SGCD: variants seen among roughly 807,000 people sequenced by gnomAD.
SGCD encodes delta-sarcoglycan.
In SGCD, 18 loss-of-function variants were observed where a neutral mutation model predicts 36.6. That is an observed-to-expected ratio of 0.49 (90% CI 0.34 to 0.73). The LOEUF (loss-of-function observed/expected upper bound fraction) is 0.73, where lower values mean the gene tolerates loss of function less well. Ranked by LOEUF, SGCD falls within the 30% of genes least tolerant of loss-of-function variation. The pLI is 0.01. For missense variants in SGCD, 387 were observed against 346.7 expected (o/e 1.12, Z -0.92); for synonymous variants, 133 against 130.6 (o/e 1.02, Z -0.12).
intron 6 of SGCD, among the ~76,000 whole-genome samples, chr5:156,626,509 C>T (rs141683804): frequency 1.2e-3 from 177 of 152,264 alleles, no homozygotes; most frequent in African/African-American, 3.6e-3. Context: ...AAGTGATGTG[C>T]ATAGAGGTTT....
At chr5:156,311,737 CTT>C (rs1032659150) in intron 3 of SGCD, among the ~76,000 whole-genome samples, 1 of 152,050 alleles carries the variant, frequency 6.6e-6, no homozygotes, top group African/African-American at 2.4e-5. Flanking sequence ...GTTGAAAAAT[CTT>C]TTTTTCTTTC....
chr5:155,911,385 A>G (rs1469056133), intron 1 of SGCD, among the ~76,000 whole-genome samples: 1 of 151,794 alleles, frequency 6.6e-6, no homozygotes, highest in Non-Finnish European at 1.5e-5. Context: ...TTACCAAATC[A>G]TAAGGAAATA....
At chr5:156,134,895 C>G (rs1000205674) in intron 3 of SGCD, among the ~76,000 whole-genome samples, 1 of 152,064 alleles carries the variant, frequency 6.6e-6, no homozygotes, top group African/African-American at 2.4e-5. Context: ...GACTGGACTC[C>G]CTTGAGCTGG....
intron 1 of SGCD, among the ~76,000 whole-genome samples, chr5:155,969,928 C>T (rs906959530): frequency 4.7e-5 from 7 of 150,368 alleles, no homozygotes; most frequent in African/African-American, 1.7e-4. Flanking sequence ...AAACTCTTTG[C>T]TTTTTTTTTC....
intron 3 of SGCD, among the ~76,000 whole-genome samples, chr5:156,172,269 G>A (rs1763363341): frequency 2.0e-5 from 3 of 152,114 alleles, no homozygotes; most frequent in South Asian, 2.1e-4. Context: ...GTCGAAAAGA[G>A]CAAAACTCCA....
chr5:156,516,221 A>AC (rs34881437), intron 4 of SGCD, among the ~76,000 whole-genome samples: 99 of 151,986 alleles, frequency 6.5e-4, no homozygotes, highest in African/African-American at 2.1e-3. Context: ...ACTAGGTGAG[A>AC]CCCCCCACAC....
chr5:156,304,903 C>T (rs986061510), intron 3 of SGCD, among the ~76,000 whole-genome samples: 3 of 152,056 alleles, frequency 2.0e-5, no homozygotes, highest in Non-Finnish European at 2.9e-5. Flanking sequence ...TTGCCCCTGC[C>T]CTGGAGATTT....
At chr5:156,686,088 G>C (rs1413817268) in intron 7 of SGCD, among the ~76,000 whole-genome samples, 1 of 152,146 alleles carries the variant, frequency 6.6e-6, no homozygotes, top group African/African-American at 2.4e-5. Flanking sequence ...ACTAAGAATA[G>C]CAGCTACTAT....
At chr5:156,084,078 A>G (rs1427730459) in intron 1 of SGCD, among the ~76,000 whole-genome samples, 1 of 152,214 alleles carries the variant, frequency 6.6e-6, no homozygotes, top group Admixed American at 6.5e-5. Flanking sequence ...CAAATAGTCA[A>G]GAACATATGT....
intron 1 of SGCD, among the ~76,000 whole-genome samples, chr5:156,032,360 T>C (rs1759367672): frequency 6.6e-6 from 1 of 152,068 alleles, no homozygotes; most frequent in Non-Finnish European, 1.5e-5. Context: ...CTTTGAGTCT[T>C]ATTCAAATTT....
intron 3 of SGCD, among the ~76,000 whole-genome samples, chr5:156,463,406 A>G (rs927263586): frequency 1.3e-5 from 2 of 152,270 alleles, no homozygotes; most frequent in East Asian, 3.9e-4. Flanking sequence ...GAGCAGACGT[A>G]TAGTCTTGGC....
intron 3 of SGCD, among the ~76,000 whole-genome samples, chr5:156,302,525 TA>T (rs1767080130): frequency 2.0e-5 from 3 of 152,150 alleles, no homozygotes; most frequent in Non-Finnish European, 4.4e-5. Context: ...ATGCTTTCTT[TA>T]TTTTGTTTAG....
chr5:156,130,996 C>T (rs764471221), intron 3 of SGCD, among the ~76,000 whole-genome samples: 7 of 152,066 alleles, frequency 4.6e-5, no homozygotes, highest in Admixed American at 6.5e-5. Flanking sequence ...CCCAAAGTGC[C>T]GTGATTACAG....
chr5:155,798,052 C>T, the SGCD span, among the ~76,000 whole-genome samples: 1 of 152,338 alleles, frequency 6.6e-6, no homozygotes, highest in Non-Finnish European at 1.5e-5. Flanking sequence ...ACACCACATT[C>T]TCTAGGTCAC....
At chr5:156,496,635 G>A (rs1756202114) in intron 3 of SGCD, among the ~76,000 whole-genome samples, 1 of 152,136 alleles carries the variant, frequency 6.6e-6, no homozygotes, top group African/African-American at 2.4e-5. Context: ...CTGGAAGATT[G>A]CTGTGTAGAC....
At chr5:155,849,446 G>GCACACACACACACA in the SGCD span, among the ~76,000 whole-genome samples, 8 of 149,934 alleles carry the variant, frequency 5.3e-5, no homozygotes, top group South Asian at 2.1e-4. Flanking sequence ...ATGTGCGCGC[G>GCACACACACACACA]CACACACACA....
At chr5:156,626,630 G>T (rs1325510532) in intron 6 of SGCD, among the ~76,000 whole-genome samples, 1 of 152,098 alleles carries the variant, frequency 6.6e-6, no homozygotes, top group Non-Finnish European at 1.5e-5. Context: ...ATATAGGATG[G>T]ATATTCAGTT....
intron 1 of SGCD, among the ~76,000 whole-genome samples, chr5:156,014,601 C>T (rs1476369944): frequency 2.0e-5 from 3 of 152,102 alleles, no homozygotes; most frequent in Non-Finnish European, 4.4e-5. Context: ...CCTCAGGAAA[C>T]GTCGTAGTGG....
the SGCD span, among the ~76,000 whole-genome samples, chr5:155,790,759 A>G: frequency 1.3e-5 from 2 of 152,110 alleles, no homozygotes; most frequent in East Asian, 3.9e-4. Context: ...TTTTATATAA[A>G]AGCCTGTGAC....
Sources: allele counts gnomAD v4.1 joint callset (sites outside exome capture counted in the v4.1 genomes callset), GRCh38; gene constraint gnomAD v4.1.1; transcripts MANE v1.5; gene names NCBI Gene and HGNC (gene_info 2026-07-23, HGNC 2026-07-21).